The following LRMDA variants were observed in gnomAD, a reference collection of about 807,000 sequenced individuals.
LRMDA encodes leucine rich melanocyte differentiation associated.
LRMDA carries 18 observed loss-of-function variants against 29.8 expected under a neutral mutation model. The observed-to-expected ratio is 0.60, with a 90% confidence interval of 0.42 to 0.90. The LOEUF (loss-of-function observed/expected upper bound fraction) is 0.90. LRMDA is among the 40% of genes least tolerant of loss of function. The probability of loss-of-function intolerance (pLI) is 0.00; values close to 1 mark genes in which losing one functional copy is unlikely to be tolerated. For synonymous variants in LRMDA, 125 were observed against 109.4 expected (o/e 1.14, Z -0.89); for missense variants, 273 against 273.9 (o/e 1.00, Z 0.02).
intron 6 of LRMDA, among the ~76,000 whole-genome samples, chr10:76,348,105 C>T (rs924061246): frequency 2.0e-5 from 3 of 152,030 alleles, no homozygotes; most frequent in Non-Finnish European, 4.4e-5. Flanking sequence ...GGATAGACCC[C>T]ATCATTAACC....
intron 2 of LRMDA, among the ~76,000 whole-genome samples, chr10:75,562,878 A>G (rs1265444961): frequency 1.3e-5 from 2 of 152,130 alleles, no homozygotes; most frequent in Non-Finnish European, 2.9e-5. Flanking sequence ...TCTGGCTTGT[A>G]GAGTTTCTGC....
At chr10:76,538,257 T>C (rs1028553182) in intron 6 of LRMDA, among the ~76,000 whole-genome samples, 13 of 152,024 alleles carry the variant, frequency 8.6e-5, no homozygotes, top group Middle Eastern at 3.4e-3. Flanking sequence ...CTTTACCCTA[T>C]TTCTACCCAC....
At chr10:75,903,986 A>G (rs1348034541) in intron 2 of LRMDA, among the ~76,000 whole-genome samples, 3 of 152,230 alleles carry the variant, frequency 2.0e-5, no homozygotes, top group Non-Finnish European at 2.9e-5. Flanking sequence ...GAATGTGAAC[A>G]TGTTCTATAG....
chr10:75,520,490 G>A (rs952062394), intron 2 of LRMDA, among the ~76,000 whole-genome samples: 5 of 152,142 alleles, frequency 3.3e-5, no homozygotes, highest in African/African-American at 9.7e-5. Flanking sequence ...GCTTGTGCCT[G>A]CCTCGTGAAG....
At chr10:75,501,104 G>A (rs1845108020) in intron 2 of LRMDA, among the ~76,000 whole-genome samples, 1 of 152,180 alleles carries the variant, frequency 6.6e-6, no homozygotes, top group South Asian at 2.1e-4. Flanking sequence ...CTACCACAAA[G>A]TGTGCCTTCT....
At chr10:76,094,159 A>T (rs1158353372) in intron 5 of LRMDA, among the ~76,000 whole-genome samples, 1 of 152,202 alleles carries the variant, frequency 6.6e-6, no homozygotes, top group Non-Finnish European at 1.5e-5. Context: ...TATAGGTATG[A>T]TGAGGTTGGC....
chr10:76,166,493 A>G (rs2132185962), intron 5 of LRMDA, among the ~76,000 whole-genome samples: 1 of 152,198 alleles, frequency 6.6e-6, no homozygotes, highest in Admixed American at 6.5e-5. Flanking sequence ...AGTAGGCCCC[A>G]GTGTCTGTTC....
intron 6 of LRMDA, among the ~76,000 whole-genome samples, chr10:76,542,505 CT>C (rs1414707530): frequency 6.6e-6 from 1 of 152,200 alleles, no homozygotes; most frequent in Non-Finnish European, 1.5e-5. Flanking sequence ...CTGCATCTGT[CT>C]AACCTCATAA....
At chr10:76,202,695 A>G (rs960863782) in intron 5 of LRMDA, among the ~76,000 whole-genome samples, 4 of 152,058 alleles carry the variant, frequency 2.6e-5, no homozygotes, top group Admixed American at 2.6e-4. Flanking sequence ...TTTTTAAAAC[A>G]TATTACTTTG....
chr10:76,290,782 T>C (rs1171694036), intron 5 of LRMDA, among the ~76,000 whole-genome samples: 1 of 152,188 alleles, frequency 6.6e-6, no homozygotes, highest in Non-Finnish European at 1.5e-5. Flanking sequence ...CTGTCTTACT[T>C]CTTATAAGGA....
intron 5 of LRMDA, among the ~76,000 whole-genome samples, chr10:76,161,170 T>G (rs528586240): frequency 8.5e-5 from 13 of 152,226 alleles, no homozygotes; most frequent in African/African-American, 2.9e-4. Flanking sequence ...TGGAGAAACA[T>G]GAAAAGGGAA....
At chr10:75,464,888 CTCTTT>C (rs1344340178) in intron 2 of LRMDA, among the ~76,000 whole-genome samples, 1 of 152,182 alleles carries the variant, frequency 6.6e-6, no homozygotes, top group Non-Finnish European at 1.5e-5. Context: ...ACAAAGCCAC[CTCTTT>C]TCTTTTCACG....
chr10:76,509,052 C>T (rs141149870), intron 6 of LRMDA, among the ~76,000 whole-genome samples: 89 of 152,176 alleles, frequency 5.8e-4, no homozygotes, highest in African/African-American at 1.7e-3. Flanking sequence ...AAGGACACAT[C>T]GGAAATTGTC....
At chr10:76,077,729 G>A (rs925614305) in intron 5 of LRMDA, among the ~76,000 whole-genome samples, 5 of 151,980 alleles carry the variant, frequency 3.3e-5, no homozygotes, top group Non-Finnish European at 5.9e-5. Context: ...GTGCTTTTCA[G>A]GAAATAGGGT....
At chr10:75,768,185 T>C (rs948956186) in intron 2 of LRMDA, among the ~76,000 whole-genome samples, 2 of 152,222 alleles carry the variant, frequency 1.3e-5, no homozygotes, top group African/African-American at 4.8e-5. Context: ...CGGCACCTGA[T>C]TGTCCTGGCA....
rs536505753 is a variant in LRMDA, at chr10:75,562,573, T to G, written c.131+124079T>G. ...ATGTGTGAATTTGAACCTGTCATTATGATGTTAGCTGGTTATTTTGCTCGT... is the reference window on the plus strand; with the variant it reads ...ATGTGTGAATTTGAACCTGTCATTAGGATGTTAGCTGGTTATTTTGCTCGT... On this transcript the variant is annotated intron_variant, in intron 2 of 6. Coordinates refer to ENST00000611255, the MANE Select transcript of LRMDA (RefSeq NM_001305581.2). Among the ~76,000 whole-genome samples, 370 of 152,256 alleles carry G rather than the reference T, an allele frequency of 2.4e-3. 9 individuals carry two copies. Among genetic ancestry groups the G allele is most frequent in the African/African-American group, 8.8e-3 (366 of 41,492 alleles).
At chr10:76,299,515 C>T (rs1471415575) in intron 5 of LRMDA, among the ~76,000 whole-genome samples, 3 of 152,068 alleles carry the variant, frequency 2.0e-5, no homozygotes, top group Middle Eastern at 3.5e-3. Context: ...ATGTGGAATC[C>T]GTGCTCCCTT....
chr10:76,229,540 A>G (rs79169335), intron 5 of LRMDA, among the ~76,000 whole-genome samples: 2,482 of 152,312 alleles, frequency 0.016, 32 homozygotes, highest in South Asian at 0.071. Context: ...CATTCCTTCT[A>G]GAGGAACTTC....
chr10:75,682,042 G>T (rs762393087), intron 2 of LRMDA, among the ~76,000 whole-genome samples: 1 of 152,172 alleles, frequency 6.6e-6, no homozygotes. Context: ...CAGCTTTCTT[G>T]TGACATTGTA....
Sources: gnomAD v4.1 joint callset for allele counts (sites outside exome capture counted in the v4.1 genomes callset) on GRCh38, gnomAD v4.1.1 for gene constraint, MANE v1.5 for transcripts, NCBI Gene and HGNC (gene_info 2026-07-23, HGNC 2026-07-21) for gene names.